Variants in PTPRN2 observed in about 807,000 individuals in gnomAD.
The protein encoded by PTPRN2 is receptor-type tyrosine-protein phosphatase N2.
A neutral mutation model predicts 118.8 loss-of-function variants in PTPRN2; 74 were observed. The observed-to-expected ratio is 0.62, with a 90% CI of 0.52 to 0.76. The LOEUF is 0.76. Among genes scored for constraint, PTPRN2 ranks in the 30% least tolerant of loss-of-function variants. The probability of loss-of-function intolerance (pLI) is 0.00; values close to 1 mark genes in which losing one functional copy is unlikely to be tolerated. For synonymous variants in PTPRN2, 641 were observed against 608.0 expected (o/e 1.05, Z -0.80); for missense variants, 1,481 against 1,394.4 (o/e 1.06, Z -0.99).
chr7:158,402,131 C>T (rs369884321), intron 2 of PTPRN2, among the ~76,000 whole-genome samples: 41 of 152,132 alleles, frequency 2.7e-4, no homozygotes, highest in African/African-American at 8.4e-4. Flanking sequence ...CCTCCAAACA[C>T]ACCTGGGAAA....
At chr7:158,475,792 T>C (rs561209603) in intron 2 of PTPRN2, among the ~76,000 whole-genome samples, 2 of 152,274 alleles carry the variant, frequency 1.3e-5, no homozygotes, top group East Asian at 3.9e-4. Context: ...ATTCTCTTAG[T>C]GGGGATTCCA....
Position 158,152,485 on chromosome 7 carries a change from G to T in PTPRN2, c.911-13970C>A, listed in dbSNP as rs117313622. On this transcript the variant is annotated intron_variant, in intron 6 of 22. Coordinates refer to ENST00000389418, the MANE Select transcript of PTPRN2 (RefSeq NM_002847.5). The stretch of plus-strand genomic sequence containing the variant: ...CAAAGTGTCCAGAATGCAGCCCCAC[G>T]TGGAGAGTTCACAGTGATATGGGAG... Among the ~76,000 whole-genome samples the T allele has an allele frequency of 4.3e-3, 648 of 152,304 alleles. 13 individuals are homozygous for T. The East Asian group carries it at 0.058, about 14-fold the overall frequency.
At chr7:158,523,571 GTCTGCCCTGGAGTGGAGTCA>G (rs1175749704) in intron 1 of PTPRN2, among the ~76,000 whole-genome samples, 50 of 102,488 alleles carry the variant, frequency 4.9e-4, no homozygotes, top group African/African-American at 7.4e-4. Flanking sequence ...GAGTGGAGTC[GTCTGCCCTGGAGTGGAGTCA>G]TCTGCCCTGG....
At chr7:158,008,118 TGTGG>T (rs1438895311) in intron 11 of PTPRN2, among the ~76,000 whole-genome samples, 1 of 138,912 alleles carries the variant, frequency 7.2e-6, no homozygotes, top group Non-Finnish European at 1.6e-5. Flanking sequence ...GTGCTGTGTG[TGTGG>T]GTGTGTACAT....
At chr7:157,789,678 G>GTGTT (rs1412125011) in intron 12 of PTPRN2, among the ~76,000 whole-genome samples, 1 of 150,492 alleles carries the variant, frequency 6.6e-6, no homozygotes, top group East Asian at 2.0e-4. Context: ...ATGTGTGCAT[G>GTGTT]TATGTGTGTG....
intron 12 of PTPRN2, among the ~76,000 whole-genome samples, chr7:157,770,958 C>T (rs973784155): frequency 6.6e-6 from 1 of 152,204 alleles, no homozygotes; most frequent in South Asian, 2.1e-4. Flanking sequence ...GCTGTGGGCC[C>T]GCTTGGCCGG....
At chr7:157,566,688 C>T (rs1266631861) in intron 21 of PTPRN2, among the ~76,000 whole-genome samples, 1 of 152,270 alleles carries the variant, frequency 6.6e-6, no homozygotes, top group African/African-American at 2.4e-5. Context: ...GGAGAATTGA[C>T]ATCACATGCC....
intron 11 of PTPRN2, among the ~76,000 whole-genome samples, chr7:157,996,340 A>G (rs1362068999): frequency 6.6e-6 from 1 of 152,252 alleles, no homozygotes; most frequent in African/African-American, 2.4e-5. Flanking sequence ...TTATTCAGTG[A>G]TGGCTACACT....
chr7:157,812,193 C>T (rs1439304072), intron 12 of PTPRN2, among the ~76,000 whole-genome samples: 1 of 152,186 alleles, frequency 6.6e-6, no homozygotes, highest in Non-Finnish European at 1.5e-5. Context: ...ATCGCAGCCC[C>T]TTTTGGATGT....
At chr7:158,081,160 A>T (rs1175573411) in intron 11 of PTPRN2, 138 bp downstream of exon 11, 1 of 836,790 alleles carries the variant, frequency 1.2e-6, no homozygotes, top group East Asian at 2.7e-5. Context: ...TTCCACGGAA[A>T]CCGAGACCTT....
intron 10 of PTPRN2, among the ~76,000 whole-genome samples, chr7:158,084,288 C>A (rs573860547): frequency 4.3e-4 from 65 of 151,582 alleles, no homozygotes; most frequent in African/African-American, 1.6e-3. Context: ...CACCCCCCAC[C>A]CCGCCCGCCA....
At chr7:158,407,235 G>GGTCCCGC (rs1813601287) in intron 2 of PTPRN2, among the ~76,000 whole-genome samples, 1 of 39,240 alleles carries the variant, frequency 2.5e-5, no homozygotes, top group African/African-American at 1.0e-4. Flanking sequence ...CTGGGTCCTG[G>GGTCCCGC]GTCCTGGGTC....
chr7:157,809,548 T>C (rs563085628), intron 12 of PTPRN2, among the ~76,000 whole-genome samples: 9 of 152,306 alleles, frequency 5.9e-5, no homozygotes, highest in African/African-American at 1.7e-4. Context: ...CTTCTGGACA[T>C]AGGGTCTCTG....
intron 11 of PTPRN2, among the ~76,000 whole-genome samples, chr7:157,961,138 C>G (rs1413215362): frequency 6.6e-6 from 1 of 152,218 alleles, no homozygotes; most frequent in Admixed American, 6.5e-5. Flanking sequence ...AAAATATTCA[C>G]AGTAGTTATA....
At chr7:158,319,494 T>TCCCTCA (rs1563131507) in intron 2 of PTPRN2, among the ~76,000 whole-genome samples, 3 of 35,254 alleles carry the variant, frequency 8.5e-5, no homozygotes, top group Non-Finnish European at 1.5e-4. Context: ...TCCCTCACAC[T>TCCCTCA]CACACAGCCT....
intron 11 of PTPRN2, among the ~76,000 whole-genome samples, chr7:158,048,051 G>A (rs1809011549): frequency 6.6e-6 from 1 of 152,100 alleles, no homozygotes; most frequent in Non-Finnish European, 1.5e-5. Flanking sequence ...TATCGAAGGT[G>A]GCCAAGAATG....
intron 12 of PTPRN2, among the ~76,000 whole-genome samples, chr7:157,760,344 G>C (rs919549900): frequency 6.6e-6 from 1 of 151,736 alleles, no homozygotes; most frequent in African/African-American, 2.4e-5. Context: ...CTCAGCAGTC[G>C]GGATGCAGGG....
intron 2 of PTPRN2, among the ~76,000 whole-genome samples, chr7:158,337,028 C>G (rs199670669): frequency 3.2e-5 from 3 of 95,192 alleles, no homozygotes; most frequent in Middle Eastern, 5.3e-3. Context: ...GAGCTGTCAC[C>G]CACAGACATC....
At chr7:158,387,431 G>A (rs758839491) in intron 2 of PTPRN2, among the ~76,000 whole-genome samples, 2 of 152,398 alleles carry the variant, frequency 1.3e-5, no homozygotes, top group East Asian at 3.9e-4. Flanking sequence ...AAGGCAGATG[G>A]TGACCACAAA....
Sources: gnomAD v4.1 joint callset for allele counts (sites outside exome capture counted in the v4.1 genomes callset) on GRCh38, gnomAD v4.1.1 for gene constraint, MANE v1.5 for transcripts, NCBI Gene and HGNC (gene_info 2026-07-23, HGNC 2026-07-21) for gene names.